The following IL1RAPL2 variants were observed in gnomAD, a reference collection of about 807,000 sequenced individuals.
IL1RAPL2 encodes the protein X-linked interleukin-1 receptor accessory protein-like 2.
A neutral mutation model predicts 44.1 loss-of-function variants in IL1RAPL2; 3 were observed. That is an observed-to-expected ratio of 0.07 (90% CI 0.03 to 0.18). The LOEUF is 0.18. Ranked by LOEUF, IL1RAPL2 falls within the 10% of genes least tolerant of loss-of-function variation. The pLI, the probability that IL1RAPL2 is intolerant of heterozygous loss-of-function variation, is 1.00. For synonymous variants in IL1RAPL2, 181 were observed against 178.8 expected, an observed-to-expected ratio of 1.01 and a Z score of -0.10; for missense variants, 391 against 496.4, an observed-to-expected ratio of 0.79 and a Z score of 2.02.
At chrX:105,424,942 A>G (rs1182816337) in intron 5 of IL1RAPL2, among the ~76,000 whole-genome samples, 3 of 109,088 alleles carry the variant, frequency 2.8e-5, no homozygotes, top group Non-Finnish European at 5.7e-5. Context: ...GGGGAGTCCT[A>G]TTTTGGTTGC....
At chrX:104,996,674 C>T (rs2030754078) in intron 2 of IL1RAPL2, among the ~76,000 whole-genome samples, 2 of 111,833 alleles carry the variant, frequency 1.8e-5, no homozygotes, top group African/African-American at 6.5e-5. Flanking sequence ...TTATTAAGTG[C>T]TTACTATGTG....
At chrX:105,011,862 T>A (rs752323395) in intron 2 of IL1RAPL2, among the ~76,000 whole-genome samples, 23 of 110,363 alleles carry the variant, frequency 2.1e-4, no homozygotes, top group Non-Finnish European at 4.4e-4. Context: ...AATAGTAGTA[T>A]TTACTACTAT....
chrX:105,561,097 T>C (rs1460391119), intron 6 of IL1RAPL2, among the ~76,000 whole-genome samples: 3 of 111,438 alleles, frequency 2.7e-5, no homozygotes, highest in African/African-American at 9.8e-5. Flanking sequence ...AGAGATTCTA[T>C]TCTTTAGAAA....
chrX:105,261,762 T>A (rs2034361691), intron 4 of IL1RAPL2, among the ~76,000 whole-genome samples: 2 of 111,724 alleles, frequency 1.8e-5, no homozygotes. Context: ...AGATGTGAGT[T>A]GTGCAGTTCT....
At chrX:105,164,463 C>A (rs961577249) in intron 2 of IL1RAPL2, among the ~76,000 whole-genome samples, 1 of 111,777 alleles carries the variant, frequency 8.9e-6, no homozygotes, top group Non-Finnish European at 1.9e-5. Flanking sequence ...AATAATAGCT[C>A]GACCTTGATA....
intron 2 of IL1RAPL2, among the ~76,000 whole-genome samples, chrX:104,985,268 A>C (rs11092524): frequency 0.44 from 45,299 of 102,689 alleles, 7,122 homozygotes; most frequent in East Asian, 0.49. Flanking sequence ...TTGCATTTTT[A>C]GTAGACATAG....
chrX:104,921,625 C>T (rs987067170), intron 2 of IL1RAPL2, among the ~76,000 whole-genome samples: 1 of 112,458 alleles, frequency 8.9e-6, no homozygotes, highest in Non-Finnish European at 1.9e-5. Context: ...AAATGAGATT[C>T]GTAGCCTGAT....
intron 2 of IL1RAPL2, among the ~76,000 whole-genome samples, chrX:105,085,672 A>G (rs947242019): frequency 9.0e-6 from 1 of 111,715 alleles, no homozygotes; most frequent in East Asian, 2.8e-4. Flanking sequence ...ATTCCTGGGT[A>G]TACAGTTAAC....
intron 5 of IL1RAPL2, among the ~76,000 whole-genome samples, chrX:105,448,696 C>T (rs1276737809): frequency 9.0e-6 from 1 of 110,844 alleles, no homozygotes; most frequent in East Asian, 2.9e-4. Context: ...TTGCCCTTTC[C>T]AGGCTTTTTT....
intron 2 of IL1RAPL2, among the ~76,000 whole-genome samples, chrX:104,864,044 G>T (rs1268457690): frequency 1.8e-5 from 2 of 111,915 alleles, no homozygotes; most frequent in Admixed American, 1.9e-4. Context: ...CTTGGGGGAA[G>T]CTTGTTGTGG....
chrX:104,811,313 G>A (rs1932976640), intron 2 of IL1RAPL2, among the ~76,000 whole-genome samples: 1 of 111,848 alleles, frequency 8.9e-6, no homozygotes, highest in Admixed American at 9.5e-5. Context: ...AAAAAAAGCA[G>A]GTCACATGTA....
At chrX:104,925,840 G>A (rs1330238253) in intron 2 of IL1RAPL2, among the ~76,000 whole-genome samples, 3 of 111,256 alleles carry the variant, frequency 2.7e-5, no homozygotes, top group African/African-American at 6.5e-5. Flanking sequence ...ATTGACATTC[G>A]TGGCCAGAGA....
Position 105,412,306 on chromosome X carries a change from G to GTATATATATATATA in IL1RAPL2, c.698-71986_698-71973dup, listed in dbSNP as rs56979628. Among the ~76,000 whole-genome samples, 7 of 93,191 alleles carry GTATATATATATATA rather than the reference G, an allele frequency of 7.5e-5. No homozygotes were observed. The East Asian group carries it at 1.1e-3, about 14-fold the overall frequency. 80.9% of individuals were successfully genotyped at this position (93,191 alleles called of 115,157 possible). ...GCAGATGAGTGATAAGAAAAATGTAGTATATATATATATATATATATATAT... is the reference window on the plus strand; with the variant it reads ...GCAGATGAGTGATAAGAAAAATGTAGTATATATATATATATATATATATATATATATATATATAT... On this transcript the variant is annotated intron_variant, in intron 5 of 10. Transcript: ENST00000372582.
At chrX:105,090,888 G>T (rs977713560) in intron 2 of IL1RAPL2, among the ~76,000 whole-genome samples, 1 of 111,186 alleles carries the variant, frequency 9.0e-6, no homozygotes, top group South Asian at 3.8e-4. Flanking sequence ...AATGATTCTG[G>T]CTCCCTGAAT....
chrX:104,951,728 A>G (rs2038693850), intron 2 of IL1RAPL2, among the ~76,000 whole-genome samples: 1 of 112,209 alleles, frequency 8.9e-6, no homozygotes, highest in Non-Finnish European at 1.9e-5. Flanking sequence ...CTCAACAACT[A>G]ATTGTCTTAA....
intron 2 of IL1RAPL2, among the ~76,000 whole-genome samples, chrX:104,966,420 G>A (rs751201493): frequency 6.3e-5 from 7 of 111,287 alleles, no homozygotes; most frequent in Non-Finnish European, 1.3e-4. Context: ...TAATGCAAAC[G>A]TTACATATTT....
chrX:104,878,915 GA>G (rs1253619629), intron 2 of IL1RAPL2, among the ~76,000 whole-genome samples: 1 of 110,428 alleles, frequency 9.1e-6, no homozygotes, highest in Non-Finnish European at 1.9e-5. Context: ...AAGTTGGCAA[GA>G]AAAATATAGT....
intron 5 of IL1RAPL2, among the ~76,000 whole-genome samples, chrX:105,432,129 C>CTTTTTTTTT (rs386417369): frequency 1.1e-3 from 48 of 44,811 alleles, no homozygotes; most frequent in East Asian, 1.8e-3. Context: ...TTCAATTTGC[C>CTTTTTTTTT]TTTTTTTTTT....
intron 5 of IL1RAPL2, among the ~76,000 whole-genome samples, chrX:105,440,480 C>T (rs1431878415): frequency 1.8e-5 from 2 of 111,734 alleles, no homozygotes; most frequent in African/African-American, 3.3e-5. Flanking sequence ...TGTTGCTCAT[C>T]CTTCAGAGAT....
Sources: allele counts gnomAD v4.1 joint callset (sites outside exome capture counted in the v4.1 genomes callset), GRCh38; gene constraint gnomAD v4.1.1; transcripts MANE v1.5; gene names NCBI Gene and HGNC (gene_info 2026-07-23, HGNC 2026-07-21).